GABRB1: variants seen among roughly 807,000 people sequenced by gnomAD.
The protein encoded by GABRB1 is gamma-aminobutyric acid type A receptor subunit beta1.
Under a neutral mutation model 51.6 loss-of-function variants are expected in GABRB1, and 17 were observed. The ratio of observed to expected loss-of-function variants is 0.33; its 90% CI spans 0.23 to 0.49. The LOEUF (loss-of-function observed/expected upper bound fraction) is 0.49. Among genes scored for constraint, GABRB1 ranks in the 20% least tolerant of loss-of-function variants. The probability of loss-of-function intolerance (pLI) is 0.99; values close to 1 mark genes in which losing one functional copy is unlikely to be tolerated. For synonymous variants in GABRB1, 247 were observed against 218.9 expected, an observed-to-expected ratio of 1.13 and a Z score of -1.14; for missense variants, 410 against 600.6, an observed-to-expected ratio of 0.68 and a Z score of 3.32.
At chr4:47,006,999 G>C (rs149593915) in intron 1 of GABRB1, among the ~76,000 whole-genome samples, 26 of 152,196 alleles carry the variant, frequency 1.7e-4, no homozygotes, top group African/African-American at 4.1e-4. Flanking sequence ...AATTAGCCAG[G>C]CATGGTAGCA....
intron 3 of GABRB1, among the ~76,000 whole-genome samples, chr4:47,121,231 C>T (rs931313097): frequency 6.6e-6 from 1 of 152,058 alleles, no homozygotes; most frequent in African/African-American, 2.4e-5. Flanking sequence ...TGAGTTCTGC[C>T]CAGTGTTGAC....
chr4:47,344,217 T>G (rs1479492433), intron 5 of GABRB1, among the ~76,000 whole-genome samples: 1 of 152,238 alleles, frequency 6.6e-6, no homozygotes, highest in Non-Finnish European at 1.5e-5. Flanking sequence ...CTGCTAGACC[T>G]GGCTAATGGA....
chr4:47,122,691 G>T (rs1262228501), intron 3 of GABRB1, among the ~76,000 whole-genome samples: 1 of 152,158 alleles, frequency 6.6e-6, no homozygotes, highest in East Asian at 1.9e-4. Context: ...ACTTGGTTCT[G>T]CAAGTGTTGT....
At chr4:47,099,547 G>C (rs947399874) in intron 3 of GABRB1, among the ~76,000 whole-genome samples, 2 of 152,014 alleles carry the variant, frequency 1.3e-5, no homozygotes, top group Non-Finnish European at 2.9e-5. Flanking sequence ...AAGTAATAAA[G>C]CTTATGCTAA....
chr4:47,384,365 T>C (rs1727705450), intron 5 of GABRB1, among the ~76,000 whole-genome samples: 1 of 150,454 alleles, frequency 6.6e-6, no homozygotes, highest in Non-Finnish European at 1.5e-5. Context: ...TATTGACAAA[T>C]CACTATTTCT....
chr4:47,258,108 C>A (rs1368665249), intron 4 of GABRB1, among the ~76,000 whole-genome samples: 1 of 152,104 alleles, frequency 6.6e-6, no homozygotes, highest in African/African-American at 2.4e-5. Context: ...TGTTCACCTC[C>A]TCTTCAGTTA....
chr4:47,195,376 A>G (rs922071705), intron 4 of GABRB1, among the ~76,000 whole-genome samples: 37 of 92,726 alleles, frequency 4.0e-4, no homozygotes, highest in Non-Finnish European at 7.2e-4. Flanking sequence ...AAAATAAATA[A>G]ATAGATAGAT....
At chr4:47,212,027 G>A (rs1235578895) in intron 4 of GABRB1, among the ~76,000 whole-genome samples, 2 of 152,112 alleles carry the variant, frequency 1.3e-5, no homozygotes, top group African/African-American at 4.8e-5. Flanking sequence ...TGAGGATTAG[G>A]ACAAGGATAT....
intron 3 of GABRB1, among the ~76,000 whole-genome samples, chr4:47,070,932 T>C (rs1342346099): frequency 6.6e-6 from 1 of 152,188 alleles, no homozygotes; most frequent in African/African-American, 2.4e-5. Context: ...ACTTGCCATC[T>C]CCATTTATTT....
chr4:47,405,802 T>C (rs1388322243), intron 7 of GABRB1, among the ~76,000 whole-genome samples: 1 of 152,196 alleles, frequency 6.6e-6, no homozygotes, highest in Admixed American at 6.5e-5. Context: ...CTTCTTGCTT[T>C]TCACAATTAT....
intron 4 of GABRB1, among the ~76,000 whole-genome samples, chr4:47,298,930 C>T (rs371541352): frequency 2.6e-5 from 4 of 151,294 alleles, no homozygotes; most frequent in African/African-American, 7.3e-5. Flanking sequence ...TCAGAAATAA[C>T]GCCGCATATC....
chr4:47,262,252 A>G (rs1385275898), intron 4 of GABRB1, among the ~76,000 whole-genome samples: 1 of 152,224 alleles, frequency 6.6e-6, no homozygotes, highest in Non-Finnish European at 1.5e-5. Flanking sequence ...CAGAGTGAAC[A>G]GGCAACCTAT....
intron 4 of GABRB1, among the ~76,000 whole-genome samples, chr4:47,181,943 A>C (rs983051977): frequency 3.9e-5 from 6 of 151,996 alleles, no homozygotes; most frequent in African/African-American, 1.4e-4. Flanking sequence ...AAAGATACTT[A>C]GTTAAGGGAT....
rs1162045883 is a variant in GABRB1 at position 47,219,182 on chromosome 4, ATGT to A, written c.461+57717_461+57719del. On this transcript the variant is annotated intron_variant, in intron 4 of 8. Coordinates refer to ENST00000295454, the MANE Select transcript of GABRB1 (RefSeq NM_000812.4). ...AAATGTTAATAAAATGTACATTAAA[ATGT>A]TGTATGTCATATTATGTAACTGTAA... Among the ~76,000 whole-genome samples, 12 of 152,008 alleles carry A rather than the reference ATGT, an allele frequency of 7.9e-5. 1 individual carries two copies. The East Asian group carries it at 2.3e-3, about 29-fold the overall frequency.
chr4:47,396,155 C>T (rs1367332012), intron 5 of GABRB1, among the ~76,000 whole-genome samples: 1 of 152,110 alleles, frequency 6.6e-6, no homozygotes, highest in African/African-American at 2.4e-5. Context: ...GAAAGCCTCA[C>T]AACCATGGCA....
chr4:47,302,881 T>C (rs1389445089), intron 4 of GABRB1, among the ~76,000 whole-genome samples: 1 of 151,982 alleles, frequency 6.6e-6, no homozygotes, highest in Non-Finnish European at 1.5e-5. Context: ...ATCATGACTT[T>C]TATTATTCTG....
chr4:47,076,830 C>A (rs902705003), intron 3 of GABRB1, among the ~76,000 whole-genome samples: 10 of 152,126 alleles, frequency 6.6e-5, no homozygotes, highest in African/African-American at 2.4e-4. Flanking sequence ...CTTCCGAGCA[C>A]ACTCCCATAA....
intron 4 of GABRB1, among the ~76,000 whole-genome samples, chr4:47,300,403 A>G (rs1479594451): frequency 1.3e-5 from 2 of 152,164 alleles, no homozygotes; most frequent in African/African-American, 4.8e-5. Flanking sequence ...CACAAAACGT[A>G]ATTACTATTG....
At chr4:47,259,325 G>A (rs141690020) in intron 4 of GABRB1, among the ~76,000 whole-genome samples, 4 of 152,140 alleles carry the variant, frequency 2.6e-5, no homozygotes, top group African/African-American at 7.2e-5. Context: ...TGGCAAATGA[G>A]GGAGAAAAGA....
Sources: allele counts gnomAD v4.1 joint callset (sites outside exome capture counted in the v4.1 genomes callset), GRCh38; gene constraint gnomAD v4.1.1; transcripts MANE v1.5; gene names NCBI Gene and HGNC (gene_info 2026-07-23, HGNC 2026-07-21).